PCDHA2: variants seen among roughly 807,000 people sequenced by gnomAD.
PCDHA2 encodes the protein protocadherin alpha 2.
PCDHA2 carries 58 observed loss-of-function variants against 66.0 expected under a neutral mutation model. The ratio of observed to expected loss-of-function variants is 0.88; its 90% confidence interval spans 0.71 to 1.09. The LOEUF (loss-of-function observed/expected upper bound fraction) is 1.09, where lower values mean the gene tolerates loss of function less well. Ranked by LOEUF, PCDHA2 falls within the 50% of genes least tolerant of loss-of-function variation. The pLI is 0.00. For missense variants in PCDHA2, 1,267 were observed against 1,242.3 expected (o/e 1.02, Z -0.30); for synonymous variants, 634 against 554.0 (o/e 1.14, Z -2.03).
intron 1 of PCDHA2, chr5:140,813,404 C>T (rs2126646229): frequency 6.6e-6 from 1 of 152,258 alleles, no homozygotes; most frequent in East Asian, 1.9e-4. Context: ...AGGCTACAAA[C>T]CTGTACATAT....
chr5:140,994,788 C>G (rs139745274), intron 3 of PCDHA2, among the ~76,000 whole-genome samples: 1 of 152,194 alleles, frequency 6.6e-6, no homozygotes, highest in East Asian at 1.9e-4. Context: ...GGAAACAATG[C>G]GTGCATGCAA....
At chr5:140,853,981 T>C (rs1380460625) in intron 1 of PCDHA2, 1 of 543,664 alleles carries the variant, frequency 1.8e-6, no homozygotes, top group East Asian at 1.4e-4. Context: ...GAGACCAATG[T>C]AGTGAGACTC....
intron 1 of PCDHA2, among the ~76,000 whole-genome samples, chr5:140,905,954 C>G (rs1297429672): frequency 6.6e-6 from 1 of 152,158 alleles, no homozygotes; most frequent in Non-Finnish European, 1.5e-5. Context: ...ATCCGATGTT[C>G]AAGGGGAGGA....
intron 1 of PCDHA2, chr5:140,927,826 G>T (rs782694866): frequency 2.5e-6 from 4 of 1,614,076 alleles, no homozygotes; most frequent in Middle Eastern, 3.3e-4. Flanking sequence ...ATACATTGAG[G>T]CGAGGGACGA....
chr5:140,848,439 G>A (rs2150410405), intron 1 of PCDHA2: 1 of 1,486,148 alleles, frequency 6.7e-7, no homozygotes, highest in African/African-American at 1.4e-5. Flanking sequence ...GAAATCAGAT[G>A]ATTTCTTCTA....
rs2150318031 is a variant in PCDHA2, at chr5:140,841,549, G to A, written c.2388+44197G>A. The A allele has an allele frequency of 3.1e-6, 5 of 1,613,828 alleles. No homozygotes were observed. The South Asian group carries it at 3.3e-5, about 11-fold the overall frequency. On this transcript the variant is annotated intron_variant, in intron 1 of 3. Transcript: ENST00000526136. ...CCAAAAGACACCGGGACCTTCTGGA[G>A]GTAAGTCTGCAGAATGGCATTTTGT...
chr5:140,907,623 G>A (rs553186767), intron 1 of PCDHA2, among the ~76,000 whole-genome samples: 3 of 152,234 alleles, frequency 2.0e-5, no homozygotes, highest in Non-Finnish European at 2.9e-5. Context: ...AGGGCTCAGT[G>A]TTGGTCTCTG....
chr5:140,867,814 A>G (rs1277915043), intron 1 of PCDHA2: 1 of 152,106 alleles, frequency 6.6e-6, no homozygotes, highest in East Asian at 1.9e-4. Flanking sequence ...ATGAAATTCC[A>G]TTTCCACAAG....
At chr5:140,984,260 A>G (rs2097093759) in intron 3 of PCDHA2, among the ~76,000 whole-genome samples, 1 of 152,172 alleles carries the variant, frequency 6.6e-6, no homozygotes, top group South Asian at 2.1e-4. Context: ...GTAAGCCACA[A>G]ACTAACTTTG....
intron 1 of PCDHA2, among the ~76,000 whole-genome samples, chr5:140,944,243 A>C (rs1202248629): frequency 2.6e-5 from 4 of 152,208 alleles, no homozygotes; most frequent in Non-Finnish European, 2.9e-5. Context: ...GCTGGAGTGC[A>C]GTGATGTGAT....
chr5:140,799,587 T>C (rs782490582), intron 1 of PCDHA2, among the ~76,000 whole-genome samples: 4 of 152,084 alleles, frequency 2.6e-5, no homozygotes, highest in Non-Finnish European at 4.4e-5. Context: ...TTAACAAATA[T>C]CATTAACTTA....
chr5:140,822,274 T>C (rs201640591), intron 1 of PCDHA2: 32 of 1,614,098 alleles, frequency 2.0e-5, no homozygotes, highest in Non-Finnish European at 2.5e-5. Flanking sequence ...AAATGCACAA[T>C]TGAGATACAG....
rs199809889 is a variant in PCDHA2, at chr5:140,883,348, A to C, written c.2388+85996A>C. On this transcript the variant is annotated intron_variant, in intron 1 of 3. Transcript: ENST00000526136. ...TCACTTCTTTGTCACTCCCCATCAGAGAAGACACTCAGCCTAGCGCCATTA... is the reference window on the plus strand; with the variant it reads ...TCACTTCTTTGTCACTCCCCATCAGCGAAGACACTCAGCCTAGCGCCATTA... The C allele has an allele frequency of 1.9e-6, 3 of 1,614,172 alleles. No homozygotes were observed. In the African/African-American group the frequency reaches 4.0e-5, roughly 22 times the overall value.
chr5:140,870,319 T>A, intron 1 of PCDHA2: 1 of 1,614,162 alleles, frequency 6.2e-7, no homozygotes, highest in Non-Finnish European at 8.5e-7. Context: ...TTACTACTCG[T>A]TGGTGCTGGA....
intron 3 of PCDHA2, among the ~76,000 whole-genome samples, chr5:140,987,991 T>C (rs1243117535): frequency 6.6e-6 from 1 of 152,232 alleles, no homozygotes; most frequent in Non-Finnish European, 1.5e-5. Context: ...ACTCCATCTC[T>C]GATCCTTCCC....
At chr5:140,826,875 T>G (rs2150145673) in intron 1 of PCDHA2, among the ~76,000 whole-genome samples, 1 of 152,218 alleles carries the variant, frequency 6.6e-6, no homozygotes, top group South Asian at 2.1e-4. Flanking sequence ...TAAAATTCAA[T>G]GAAAGCTGTA....
At chr5:140,829,252 C>T (rs1430937328) in intron 1 of PCDHA2, 1 of 1,614,148 alleles carries the variant, frequency 6.2e-7, no homozygotes, top group Non-Finnish European at 8.5e-7. Flanking sequence ...AGGTGAACTG[C>T]TCGCTGACGC....
chr5:140,958,020 A>G (rs536128192), intron 1 of PCDHA2, among the ~76,000 whole-genome samples: 90 of 152,262 alleles, frequency 5.9e-4, no homozygotes, highest in African/African-American at 2.1e-3. Context: ...TCAGCCAAGT[A>G]TACTATGCTT....
At chr5:140,862,371 T>C in intron 1 of PCDHA2, 1 of 341,736 alleles carries the variant, frequency 2.9e-6, no homozygotes, top group Non-Finnish European at 5.8e-6. Flanking sequence ...ACCCGCACCC[T>C]GACTCCTCAC....
Sources: allele counts gnomAD v4.1 joint callset (sites outside exome capture counted in the v4.1 genomes callset), GRCh38; gene constraint gnomAD v4.1.1; transcripts MANE v1.5; gene names NCBI Gene and HGNC (gene_info 2026-07-23, HGNC 2026-07-21).